RDH12: variants seen among roughly 807,000 people sequenced by gnomAD.
RDH12 encodes retinol dehydrogenase 12.
In RDH12, 21 loss-of-function variants were observed where a neutral mutation model predicts 34.0. The observed-to-expected ratio is 0.62, with a 90% confidence interval of 0.44 to 0.89. The LOEUF is 0.89. Ranked by LOEUF, RDH12 falls within the 40% of genes least tolerant of loss-of-function variation. The pLI is 0.00. For synonymous variants in RDH12, 198 were observed against 169.9 expected, an observed-to-expected ratio of 1.17 and a Z score of -1.29; for missense variants, 394 against 398.6, an observed-to-expected ratio of 0.99 and a Z score of 0.10.
intron 1 of RDH12, among the ~76,000 whole-genome samples, chr14:67,720,006 A>G (rs1014066089): frequency 1.3e-5 from 2 of 152,168 alleles, no homozygotes; most frequent in African/African-American, 4.8e-5. Flanking sequence ...AGACATTACA[A>G]CACTTCTCTC....
intron 8 of RDH12, among the ~76,000 whole-genome samples, chr14:67,732,154 A>G (rs2140158269): frequency 1.3e-5 from 2 of 148,424 alleles, no homozygotes; most frequent in South Asian, 2.2e-4. Context: ...AAAAAATTTA[A>G]GGCTGGGTGT....
At chr14:67,730,103 G>A (rs1218600082) in intron 8 of RDH12, among the ~76,000 whole-genome samples, 1 of 152,236 alleles carries the variant, frequency 6.6e-6, no homozygotes, top group East Asian at 1.9e-4. Flanking sequence ...TTGGTACTCA[G>A]TTCTGAGTGT....
intron 7 of RDH12, among the ~76,000 whole-genome samples, chr14:67,728,958 C>T (rs1268026306): frequency 6.6e-6 from 1 of 152,144 alleles, no homozygotes; most frequent in Non-Finnish European, 1.5e-5. Context: ...AATAGAAGGA[C>T]CTCGAACCAG....
At chr14:67,729,163 T>C (rs1289393877) in intron 7 of RDH12, 28 bp from the exon 8 acceptor site, 1 of 1,610,254 alleles carries the variant, frequency 6.2e-7, no homozygotes, top group African/African-American at 1.3e-5. Context: ...AGTGTGTCCC[T>C]GATCTAATTG....
intron 8 of RDH12, 137 bp downstream of exon 8, chr14:67,729,517 G>A: frequency 2.4e-6 from 2 of 819,370 alleles, no homozygotes; most frequent in Non-Finnish European, 4.1e-6. Flanking sequence ...CAAACAGAAT[G>A]CCGTTGCTTT....
rs199835155 is a variant in RDH12, at chr14:67,727,033, T to C, written c.501T>C (p.Pro167=). ...TGGAGCGGCTAAAGGTGTCTGCCCCTGCACGGGTGGTTAATGTGTCCTCGG... is the reference window on the plus strand; with the variant it reads ...TGGAGCGGCTAAAGGTGTCTGCCCCCGCACGGGTGGTTAATGTGTCCTCGG... ...LLLERLKVSA[P]ARVVNVSSVA... Residue 167 remains proline (P), a synonymous_variant, in exon 7 of 9, where the codon CCT becomes CCC. Coordinates refer to ENST00000551171, the MANE Select transcript of RDH12 (RefSeq NM_152443.3). 4 of 1,613,770 alleles carry C rather than the reference T, an allele frequency of 2.5e-6. No homozygotes were observed. The highest frequency in any genetic ancestry group is 3.4e-6 in the Non-Finnish European group (4 of 1,180,036).
intron 1 of RDH12, among the ~76,000 whole-genome samples, chr14:67,713,353 G>A (rs975494215): frequency 7.5e-6 from 1 of 133,234 alleles, no homozygotes; most frequent in African/African-American, 3.0e-5. Flanking sequence ...CATCGTCATG[G>A]AAGCAGAAAA....
At position 67,719,705 on chromosome 14, in the gene RDH12, T is replaced by C. The variant is rs376536062; in HGVS notation, c.-274-1143T>C. ...GTTGCCCAGGTTGGTCTTGAACTTC[T>C]GGTCTCACGTGATCCTCCTGCCTCG... On this transcript the variant is annotated intron_variant, in intron 1 of 8. Transcript: ENST00000551171. 1.4e-4 allele frequency among the ~76,000 whole-genome samples: 21 copies of C among 152,324 alleles called. No individual in the cohort carries two copies. In the South Asian group the frequency reaches 3.7e-3, roughly 27 times the overall value.
At chr14:67,708,051 G>A (rs550800328) in intron 1 of RDH12, among the ~76,000 whole-genome samples, 50 of 152,262 alleles carry the variant, frequency 3.3e-4, no homozygotes, top group African/African-American at 9.9e-4. Flanking sequence ...CTGCACTTAC[G>A]TAAATAGCTG....
At chr14:67,713,512 G>A (rs2038033904) in intron 1 of RDH12, among the ~76,000 whole-genome samples, 1 of 151,370 alleles carries the variant, frequency 6.6e-6, no homozygotes, top group Non-Finnish European at 1.5e-5. Flanking sequence ...CCAGACCTCA[G>A]CAAATTGTCC....
chr14:67,718,073 T>G (rs1234449728), intron 1 of RDH12, among the ~76,000 whole-genome samples: 1 of 152,186 alleles, frequency 6.6e-6, no homozygotes, highest in Admixed American at 6.5e-5. Flanking sequence ...TCATTATTAT[T>G]GGTTAAAACA....
chr14:67,724,637 T>C (rs1310533076), intron 4 of RDH12, 46 bp downstream of exon 4: 1 of 1,374,634 alleles, frequency 7.3e-7, no homozygotes, highest in East Asian at 2.3e-5. Flanking sequence ...CCTCCCACCC[T>C]TCTTCCCACT....
At position 67,734,357 on chromosome 14, in the gene RDH12, G is replaced by A. The variant is rs1386868493; in HGVS notation, c.*509G>A. 2.5e-5 allele frequency: 4 copies of A among 158,314 alleles called. No homozygotes were observed. Among genetic ancestry groups the A allele is most frequent in the Admixed American group, 2.4e-4 (4 of 16,710 alleles). 9.8% of individuals were successfully genotyped at this position (158,314 alleles called of 1,614,324 possible). ...TATTTAGATTCCTTCCTCTCACCTG[G>A]ACCTTCCCATTTCAATCATGCAGAT... On this transcript the variant is annotated 3_prime_UTR_variant, in exon 9 of 9. Coordinates refer to ENST00000551171, the MANE Select transcript of RDH12 (RefSeq NM_152443.3).
rs372807871 is a variant in RDH12, at chr14:67,722,641, C to T, written c.-2C>T. The T allele has an allele frequency of 1.2e-4, 196 of 1,613,494 alleles. 1 individual carries two copies. The highest frequency in any genetic ancestry group is 4.8e-4 in the South Asian group (44 of 91,062). On this transcript the variant is annotated 5_prime_UTR_variant, in exon 3 of 9. The change creates a new upstream start codon in the 5' untranslated region. Transcript: ENST00000551171. The stretch of plus-strand genomic sequence containing the variant: ...GCAACAGCAGCTACAGAAGTTGGAA[C>T]GATGCTGGTCACCTTGGGACTGCTC...
At chr14:67,722,894 C>T (rs2038141805) in intron 3 of RDH12, among the ~76,000 whole-genome samples, 184 bp downstream of exon 3, 1 of 152,182 alleles carries the variant, frequency 6.6e-6, no homozygotes, top group South Asian at 2.1e-4. Flanking sequence ...GCATCTGCGG[C>T]CGGGCAGAGG....
At chr14:67,731,197 TTC>T (rs1302400607) in intron 8 of RDH12, among the ~76,000 whole-genome samples, 2 of 147,796 alleles carry the variant, frequency 1.4e-5, no homozygotes, top group Non-Finnish European at 3.0e-5. Context: ...CTCATCATAT[TTC>T]TTTCTTTCTT....
chr14:67,703,475 T>C (rs1270491301), intron 1 of RDH12, among the ~76,000 whole-genome samples: 1 of 152,168 alleles, frequency 6.6e-6, no homozygotes, highest in African/African-American at 2.4e-5. Flanking sequence ...GTGAGCTTTA[T>C]CTCAACACAA....
chr14:67,717,544 C>T lies in RDH12; in HGVS notation c.-274-3304C>T, dbSNP rs2038081040. 2.0e-5 allele frequency among the ~76,000 whole-genome samples: 3 copies of T among 152,214 alleles called. No individual in the cohort carries two copies. In the South Asian group the frequency reaches 6.2e-4, roughly 32 times the overall value. On this transcript the variant is annotated intron_variant, in intron 1 of 8. Transcript: ENST00000551171. ...TACTGTCCTCTAATCCTTTTCAATACTACATACACCAGGGTTATCCTTTAG... is the reference window on the plus strand; with the variant it reads ...TACTGTCCTCTAATCCTTTTCAATATTACATACACCAGGGTTATCCTTTAG...
intron 1 of RDH12, among the ~76,000 whole-genome samples, chr14:67,711,985 T>C (rs1415395348): frequency 1.3e-5 from 2 of 152,160 alleles, no homozygotes; most frequent in Non-Finnish European, 2.9e-5. Flanking sequence ...AATGGTGCGA[T>C]CTAGGCTCAC....
Sources: gnomAD v4.1 joint callset for allele counts (sites outside exome capture counted in the v4.1 genomes callset) on GRCh38, gnomAD v4.1.1 for gene constraint, MANE v1.5 for transcripts, NCBI Gene and HGNC (gene_info 2026-07-23, HGNC 2026-07-21) for gene names.